TENM3: variants seen among roughly 807,000 people sequenced by gnomAD.
The protein encoded by TENM3 is teneurin transmembrane protein 3, also known as teneurin-3.
A neutral mutation model predicts 255.1 loss-of-function variants in TENM3; 63 were observed. The observed-to-expected ratio is 0.25, with a 90% confidence interval of 0.20 to 0.30. TENM3 has a LOEUF of 0.30. Among genes scored for constraint, TENM3 ranks in the 10% least tolerant of loss-of-function variants. TENM3 has a pLI of 1.00. For synonymous variants in TENM3, 1,306 were observed against 1,322.3 expected (o/e 0.99, Z 0.27); for missense variants, 2,929 against 3,461.1 (o/e 0.85, Z 3.86).
intron 5 of TENM3, among the ~76,000 whole-genome samples, chr4:182,640,196 A>T (rs1752179057): frequency 6.6e-6 from 1 of 152,236 alleles, no homozygotes; most frequent in Non-Finnish European, 1.5e-5. Flanking sequence ...ATGTATTAAA[A>T]TTTTAAGTCA....
At chr4:182,632,523 C>G (rs1278543232) in intron 5 of TENM3, among the ~76,000 whole-genome samples, 12 of 152,164 alleles carry the variant, frequency 7.9e-5, no homozygotes, top group Admixed American at 7.9e-4. Context: ...TGACTATCTT[C>G]TCATACATTT....
At chr4:182,019,336 C>A in the TENM3 span, among the ~76,000 whole-genome samples, 17 of 152,148 alleles carry the variant, frequency 1.1e-4, no homozygotes, top group African/African-American at 4.1e-4. Flanking sequence ...TTGCACCCAG[C>A]GCCACTGGTC....
At chr4:181,987,987 G>A in the TENM3 span, among the ~76,000 whole-genome samples, 2 of 152,056 alleles carry the variant, frequency 1.3e-5, no homozygotes, top group East Asian at 1.9e-4. Flanking sequence ...GGGTAGGTTC[G>A]TAATTAAGTG....
chr4:182,362,146 T>A (rs1766046069), intron 3 of TENM3, among the ~76,000 whole-genome samples: 1 of 152,240 alleles, frequency 6.6e-6, no homozygotes, highest in East Asian at 1.9e-4. Flanking sequence ...TGCCTCCCAG[T>A]TAGGCTGCTC....
chr4:182,372,072 C>T (rs1766858251), intron 3 of TENM3, among the ~76,000 whole-genome samples: 1 of 152,110 alleles, frequency 6.6e-6, no homozygotes, highest in African/African-American at 2.4e-5. Flanking sequence ...ATTATGCAAA[C>T]TCTCATTAAC....
Position 182,800,301 on chromosome 4 carries a change from A to G in TENM3, c.8050A>G (p.Ser2684Gly), listed in dbSNP as rs760473673. ...GGAGCAGTACCCCGAGCTGGCCGAC[A>G]GCGCCAACAACATCCAGTTCCTGCG... Reference protein sequence around the residue: ...SVEQYPELADSANNIQFLRQS... With the variant: ...SVEQYPELADGANNIQFLRQS... Residue 2684 changes from serine (S) to glycine (G), a missense_variant, in exon 28 of 28, where the codon AGC becomes GGC. By Grantham distance (56) the Ser-to-Gly change is moderately conservative. Coordinates refer to ENST00000511685, the MANE Select transcript of TENM3 (RefSeq NM_001080477.4). 1.3e-6 allele frequency: 2 copies of G among 1,594,490 alleles called. No individual in the cohort carries two copies. The highest frequency in any genetic ancestry group is 2.2e-5 in the South Asian group (2 of 90,078).
chr4:182,354,530 G>A (rs866211834), intron 3 of TENM3, among the ~76,000 whole-genome samples: 19 of 151,944 alleles, frequency 1.3e-4, no homozygotes, highest in African/African-American at 4.1e-4. Context: ...GCTAACTGAG[G>A]GTTTTTTTGG....
chr4:182,667,030 G>A (rs1456304129), intron 6 of TENM3, among the ~76,000 whole-genome samples: 1 of 152,108 alleles, frequency 6.6e-6, no homozygotes, highest in Non-Finnish European at 1.5e-5. Flanking sequence ...GCTTTATTGT[G>A]GTGGTCTGGA....
rs374640314 is a variant in TENM3 at position 182,361,872 on chromosome 4, T to C, written c.511+14943T>C. Among the ~76,000 whole-genome samples the C allele has an allele frequency of 1.2e-4, 18 of 152,300 alleles. No homozygotes were observed. In the East Asian group the frequency reaches 3.3e-3, roughly 28 times the overall value. ...TTTATCTACTTTTGGTCTTTGATGATGGTGATGTACAGATGGGTTTTTGGT... is the reference window on the plus strand; with the variant it reads ...TTTATCTACTTTTGGTCTTTGATGACGGTGATGTACAGATGGGTTTTTGGT... On this transcript the variant is annotated intron_variant, in intron 3 of 27. Coordinates refer to ENST00000511685, the MANE Select transcript of TENM3 (RefSeq NM_001080477.4).
At chr4:181,988,723 T>G in the TENM3 span, among the ~76,000 whole-genome samples, 1 of 152,184 alleles carries the variant, frequency 6.6e-6, no homozygotes, top group African/African-American at 2.4e-5. Context: ...TTGCCCAAGG[T>G]CACCTGTCTT....
the TENM3 span, among the ~76,000 whole-genome samples, chr4:181,681,319 C>G: frequency 6.6e-6 from 1 of 151,892 alleles, no homozygotes; most frequent in African/African-American, 2.4e-5. Flanking sequence ...TTTCACCGGA[C>G]CTTGATTATT....
the TENM3 span, among the ~76,000 whole-genome samples, chr4:181,486,725 T>C: frequency 0.52 from 78,668 of 151,954 alleles, 20,989 homozygotes; most frequent in Non-Finnish European, 0.59. Context: ...AGGTGCATAG[T>C]CTTAACATAA....
the TENM3 span, among the ~76,000 whole-genome samples, chr4:181,944,451 C>A: frequency 2.2e-4 from 33 of 151,818 alleles, no homozygotes; most frequent in Non-Finnish European, 1.0e-4. Flanking sequence ...CCTTTTCACT[C>A]AGTCCCCTCC....
At chr4:182,783,955 T>C (rs1164049398) in intron 24 of TENM3, among the ~76,000 whole-genome samples, 1 of 152,186 alleles carries the variant, frequency 6.6e-6, no homozygotes, top group Non-Finnish European at 1.5e-5. Context: ...TTATACATTC[T>C]TCTAAATTTT....
chr4:181,803,939 C>CAAAAAA, the TENM3 span, among the ~76,000 whole-genome samples: 5 of 117,544 alleles, frequency 4.3e-5, no homozygotes, highest in African/African-American at 9.7e-5. Flanking sequence ...ATTATCTCAA[C>CAAAAAA]AAAAAAAAAA....
At chr4:182,669,266 T>TG (rs1754992247) in intron 6 of TENM3, among the ~76,000 whole-genome samples, 1 of 136,990 alleles carries the variant, frequency 7.3e-6, no homozygotes, top group Non-Finnish European at 1.6e-5. Flanking sequence ...CCATGTCACG[T>TG]TTTTTTTGTT....
At chr4:182,650,510 A>T (rs1418169748) in intron 5 of TENM3, among the ~76,000 whole-genome samples, 1 of 149,936 alleles carries the variant, frequency 6.7e-6, no homozygotes, top group Non-Finnish European at 1.5e-5. Flanking sequence ...TCTGCCAGAT[A>T]CCCCATTTAG....
chr4:182,451,656 G>A (rs772593331), intron 3 of TENM3, among the ~76,000 whole-genome samples: 5 of 152,126 alleles, frequency 3.3e-5, no homozygotes, highest in Non-Finnish European at 5.9e-5. Flanking sequence ...GCGTTGCTAA[G>A]CACCCGTCAC....
At chr4:181,571,407 G>C in the TENM3 span, among the ~76,000 whole-genome samples, 7 of 152,148 alleles carry the variant, frequency 4.6e-5, no homozygotes, top group Admixed American at 1.3e-4. Flanking sequence ...TGCGATCATA[G>C]TTCACTATAA....
Sources: allele counts gnomAD v4.1 joint callset (sites outside exome capture counted in the v4.1 genomes callset), GRCh38; gene constraint gnomAD v4.1.1; transcripts MANE v1.5; gene names NCBI Gene and HGNC (gene_info 2026-07-23, HGNC 2026-07-21).